Variants in CARMIL1 observed in about 807,000 individuals in gnomAD.
The protein encoded by CARMIL1 is F-actin-uncapping protein LRRC16A.
A neutral mutation model predicts 177.1 loss-of-function variants in CARMIL1; 90 were observed. That is an observed-to-expected ratio of 0.51 (90% confidence interval 0.43 to 0.61). The LOEUF (loss-of-function observed/expected upper bound fraction) is 0.61. Among genes scored for constraint, CARMIL1 ranks in the 20% least tolerant of loss-of-function variants. The pLI is 0.00. For missense variants in CARMIL1, 1,380 were observed against 1,667.0 expected, an observed-to-expected ratio of 0.83 and a Z score of 3.00; for synonymous variants, 577 against 606.2, an observed-to-expected ratio of 0.95 and a Z score of 0.71.
intron 5 of CARMIL1, 22 bp downstream of exon 5, chr6:25,435,626 G>A (rs1032993019): frequency 6.4e-7 from 1 of 1,565,662 alleles, no homozygotes; most frequent in Non-Finnish European, 8.7e-7. Flanking sequence ...TGGGCAGGGT[G>A]AGGAGAGCAA....
At chr6:25,328,925 C>T (rs1232013944) in intron 2 of CARMIL1, among the ~76,000 whole-genome samples, 1 of 152,024 alleles carries the variant, frequency 6.6e-6, no homozygotes, top group Non-Finnish European at 1.5e-5. Flanking sequence ...TTCCTGAGTC[C>T]AGGACATCAA....
chr6:25,603,830 A>G (rs776183736), intron 33 of CARMIL1, among the ~76,000 whole-genome samples: 20 of 152,108 alleles, frequency 1.3e-4, no homozygotes, highest in Non-Finnish European at 1.8e-4. Flanking sequence ...TAGACTTTCT[A>G]AACTTTCTAC....
At position 25,483,966 on chromosome 6, in the gene CARMIL1, G is replaced by C. The variant is rs144406344; in HGVS notation, c.961+1623G>C. Among the ~76,000 whole-genome samples the C allele has an allele frequency of 2.0e-5, 3 of 151,938 alleles. 1 individual carries two copies. The highest frequency in any genetic ancestry group is 6.6e-5 in the Admixed American group (1 of 15,240). On this transcript the variant is annotated intron_variant, in intron 12 of 36. Coordinates refer to ENST00000329474, the MANE Select transcript of CARMIL1 (RefSeq NM_017640.6). Reference sequence around the variant, plus strand: ...TGTAGAGACAGAGTTTCCATGTTCCGTGGCCAGTCTCGAACTCCTGAGCTC... The same window carrying C: ...TGTAGAGACAGAGTTTCCATGTTCCCTGGCCAGTCTCGAACTCCTGAGCTC...
intron 27 of CARMIL1, among the ~76,000 whole-genome samples, chr6:25,553,167 C>T (rs114025468): frequency 0.02 from 2,975 of 152,146 alleles, 73 homozygotes; most frequent in African/African-American, 0.058. Context: ...ATATTTTCAA[C>T]GTTAGCTTAT....
At chr6:25,524,663 C>A (rs1405367403) in intron 23 of CARMIL1, among the ~76,000 whole-genome samples, 1 of 152,010 alleles carries the variant, frequency 6.6e-6, no homozygotes, top group Non-Finnish European at 1.5e-5. Flanking sequence ...TCTATGATAC[C>A]AGTTTTGGAA....
intron 36 of CARMIL1, among the ~76,000 whole-genome samples, chr6:25,614,768 G>A (rs376520309): frequency 3.9e-5 from 6 of 152,130 alleles, no homozygotes; most frequent in African/African-American, 7.2e-5. Flanking sequence ...GCTACCTGCC[G>A]CCCAGTGCCT....
chr6:25,488,615 G>A lies in CARMIL1; in HGVS notation c.1065+30G>A, dbSNP rs151333725. 2.6e-5 allele frequency: 39 copies of A among 1,523,006 alleles called. No homozygotes were observed. In the African/African-American group the frequency reaches 2.7e-4, roughly 11 times the overall value. 94.3% of individuals were successfully genotyped at this position (1,523,006 alleles called of 1,614,324 possible). On this transcript the variant is annotated intron_variant, in intron 13 of 36. Coordinates refer to ENST00000329474, the MANE Select transcript of CARMIL1 (RefSeq NM_017640.6). ...GTTTTCTTTTCTTTATTCCATCTTC[G>A]AAGAAGCTGTGTTTAATAAGCCTGG...
At chr6:25,546,669 C>CAAAA (rs58285338) in intron 26 of CARMIL1, among the ~76,000 whole-genome samples, 547 of 114,718 alleles carry the variant, frequency 4.8e-3, no homozygotes, top group Non-Finnish European at 6.1e-3. Context: ...ACAACAACAA[C>CAAAA]AAAAAAAAAA....
chr6:25,454,077 G>T (rs2150874507), intron 8 of CARMIL1, among the ~76,000 whole-genome samples: 1 of 152,246 alleles, frequency 6.6e-6, no homozygotes, highest in African/African-American at 2.4e-5. Context: ...TGTAGCAAGA[G>T]AAATTTGTCA....
intron 12 of CARMIL1, among the ~76,000 whole-genome samples, chr6:25,486,272 C>G (rs1044295906): frequency 5.3e-5 from 8 of 152,146 alleles, no homozygotes; most frequent in African/African-American, 1.9e-4. Context: ...CTCATGTGAG[C>G]ATGGGATTAG....
At chr6:25,422,133 A>C (rs193081566) in intron 3 of CARMIL1, among the ~76,000 whole-genome samples, 1 of 152,262 alleles carries the variant, frequency 6.6e-6, no homozygotes, top group African/African-American at 2.4e-5. Context: ...ACCATGTCCT[A>C]CTTATTTAGA....
intron 12 of CARMIL1, among the ~76,000 whole-genome samples, chr6:25,483,090 T>G (rs539683456): frequency 6.6e-6 from 1 of 152,334 alleles, no homozygotes; most frequent in East Asian, 1.9e-4. Context: ...TCCCTTTGTA[T>G]TACTTCAAGA....
intron 4 of CARMIL1, among the ~76,000 whole-genome samples, chr6:25,430,575 A>G (rs1796675391): frequency 6.6e-6 from 1 of 151,792 alleles, no homozygotes; most frequent in Non-Finnish European, 1.5e-5. Flanking sequence ...GACTACAGGC[A>G]TGCACCACCA....
chr6:25,359,009 C>G (rs1788911637), intron 2 of CARMIL1, among the ~76,000 whole-genome samples: 1 of 152,158 alleles, frequency 6.6e-6, no homozygotes, highest in South Asian at 2.1e-4. Flanking sequence ...TATCATCATT[C>G]TATGTACAAT....
chr6:25,606,161 T>C lies in CARMIL1; in HGVS notation c.3735T>C (p.Ser1245=). ...AEPKAEAGSR[S]RSSSSTPTSP... ...CCAAAGCGGAAGCAGGCTCCAGGTCTCGGAGCTCATCCAGCACACCTACGA... is the reference window on the plus strand; with the variant it reads ...CCAAAGCGGAAGCAGGCTCCAGGTCCCGGAGCTCATCCAGCACACCTACGA... Residue 1245 remains serine (S), a synonymous_variant, in exon 35 of 37, where the codon TCT becomes TCC. Transcript: ENST00000329474. 6.2e-7 allele frequency: 1 copy of C among 1,613,960 alleles called. No individual in the cohort carries two copies. Among genetic ancestry groups the C allele is most frequent in the Non-Finnish European group, 8.5e-7 (1 of 1,179,886 alleles).
At chr6:25,358,737 AG>A (rs1413798707) in intron 2 of CARMIL1, among the ~76,000 whole-genome samples, 1 of 152,194 alleles carries the variant, frequency 6.6e-6, no homozygotes, top group Non-Finnish European at 1.5e-5. Flanking sequence ...TGCTGAAGTG[AG>A]TACTAAGTAG....
chr6:25,339,091 G>A (rs1042256106), intron 2 of CARMIL1, among the ~76,000 whole-genome samples: 4 of 151,932 alleles, frequency 2.6e-5, no homozygotes, highest in African/African-American at 9.7e-5. Flanking sequence ...AAATTAAAAT[G>A]ACCACAACAA....
In CARMIL1 at chr6:25,363,909, A is replaced by AT. The variant is rs547801855; in HGVS notation, c.139-56198dup. 1.1e-4 allele frequency among the ~76,000 whole-genome samples: 16 copies of AT among 151,958 alleles called. No homozygotes were observed. The East Asian group carries it at 2.5e-3, about 24-fold the overall frequency. On this transcript the variant is annotated intron_variant, in intron 2 of 36. Transcript: ENST00000329474. ...TGATCAACACTTTAACACTTTTTAG[A>AT]TTTTTTTCTTCCTTTCTCTCTTCTC...
At chr6:25,434,551 G>A (rs1052900079) in intron 4 of CARMIL1, among the ~76,000 whole-genome samples, 2 of 127,508 alleles carry the variant, frequency 1.6e-5, no homozygotes, top group Admixed American at 8.8e-5. Context: ...TTTAGACGGA[G>A]TCTTGCTCTG....
Sources: gnomAD v4.1 joint callset for allele counts (sites outside exome capture counted in the v4.1 genomes callset) on GRCh38, gnomAD v4.1.1 for gene constraint, MANE v1.5 for transcripts, NCBI Gene and HGNC (gene_info 2026-07-23, HGNC 2026-07-21) for gene names.